PIK3CB: variants seen among roughly 807,000 people sequenced by gnomAD.
PIK3CB encodes the protein phosphatidylinositol-4,5-bisphosphate 3-kinase catalytic subunit beta.
A neutral mutation model predicts 136.8 loss-of-function variants in PIK3CB; 39 were observed. The observed-to-expected ratio is 0.29, with a 90% CI of 0.22 to 0.37. The LOEUF (loss-of-function observed/expected upper bound fraction) is 0.37, where lower values mean the gene tolerates loss of function less well. PIK3CB is among the 10% of genes least tolerant of loss of function. The pLI, the probability that PIK3CB is intolerant of heterozygous loss-of-function variation, is 1.00. For missense variants in PIK3CB, 868 were observed against 1,275.4 expected (o/e 0.68, Z 4.87); for synonymous variants, 428 against 436.6 (o/e 0.98, Z 0.25).
chr3:138,714,435 T>G, intron 9 of PIK3CB, 33 bp downstream of exon 9: 1 of 1,473,038 alleles, frequency 6.8e-7, no homozygotes, highest in Non-Finnish European at 9.3e-7. Context: ...TTCCGTTATA[T>G]AAAACAATCC....
chr3:138,821,603 G>A (rs1933566774), intron 1 of PIK3CB, among the ~76,000 whole-genome samples: 1 of 151,914 alleles, frequency 6.6e-6, no homozygotes, highest in Non-Finnish European at 1.5e-5. Flanking sequence ...AGACCAACAT[G>A]GTAAAACCCC....
chr3:138,702,288 T>G (rs923140394), intron 12 of PIK3CB, among the ~76,000 whole-genome samples: 3 of 149,380 alleles, frequency 2.0e-5, no homozygotes, highest in Non-Finnish European at 4.5e-5. Context: ...TGGCCCAGGC[T>G]GCTCTCAAAT....
chr3:138,705,489 T>C lies in PIK3CB; in HGVS notation c.1531-996A>G, dbSNP rs1486835547. The stretch of plus-strand genomic sequence containing the variant: ...CTTGCCATATTTGAAATTTATATTA[T>C]AAGCACAAAATTTAATTTGGTTGTA... On this transcript the variant is annotated intron_variant, in intron 11 of 23. Coordinates refer to ENST00000674063, the MANE Select transcript of PIK3CB (RefSeq NM_006219.3). Among the ~76,000 whole-genome samples, 4 of 152,144 alleles carry C rather than the reference T, an allele frequency of 2.6e-5. No homozygotes were observed. The South Asian group carries it at 8.3e-4, about 31-fold the overall frequency.
chr3:138,798,091 C>T (rs2046128347), intron 1 of PIK3CB, among the ~76,000 whole-genome samples: 1 of 152,142 alleles, frequency 6.6e-6, no homozygotes, highest in South Asian at 2.1e-4. Context: ...TTATAATATG[C>T]TACCTTTGAG....
At chr3:138,705,181 C>CAAAAA (rs1277322816) in intron 11 of PIK3CB, among the ~76,000 whole-genome samples, 1 of 58,526 alleles carries the variant, frequency 1.7e-5, no homozygotes, top group African/African-American at 8.3e-5. Flanking sequence ...AAACAAAAAA[C>CAAAAA]AAAACAAACA....
In PIK3CB at chr3:138,697,418, A is replaced by G. The variant is rs181980215; in HGVS notation, c.1770+1489T>C. Among the ~76,000 whole-genome samples the G allele has an allele frequency of 4.6e-5, 7 of 151,438 alleles. No homozygotes were observed. In the East Asian group the frequency reaches 1.4e-3, roughly 29 times the overall value. ...TAATATAATTATATAACATGTCTCC[A>G]AAGATTTATTTATTTATTTATTTAT... On this transcript the variant is annotated intron_variant, in intron 13 of 23. Coordinates refer to ENST00000674063, the MANE Select transcript of PIK3CB (RefSeq NM_006219.3).
rs73229561 is a variant in PIK3CB at position 138,698,859 on chromosome 3, C to G, written c.1770+48G>C. 2,009 of 1,189,568 alleles carry G rather than the reference C, an allele frequency of 1.7e-3. 2 individuals carry two copies. Among genetic ancestry groups the G allele is most frequent in the Non-Finnish European group, 2.1e-3 (1,778 of 828,310 alleles). The allele number at this position is 1,189,568 out of a possible 1,614,324, so 73.7% of individuals were successfully genotyped here. On this transcript the variant is annotated intron_variant, in intron 13 of 23. Transcript: ENST00000674063. ...AAAAGGATACTTTATGTGAATCCAA[C>G]CAAGTACCATACACCCAAAAAAAGT...
chr3:138,729,802 A>T (rs1219064281), intron 8 of PIK3CB, among the ~76,000 whole-genome samples: 1 of 151,932 alleles, frequency 6.6e-6, no homozygotes, highest in Non-Finnish European at 1.5e-5. Flanking sequence ...AATCTTCTAT[A>T]TTTTTTGCTT....
At chr3:138,732,117 G>C (rs2044989566) in intron 8 of PIK3CB, among the ~76,000 whole-genome samples, 2 of 152,128 alleles carry the variant, frequency 1.3e-5, no homozygotes, top group South Asian at 4.1e-4. Flanking sequence ...ATAGAATGAA[G>C]TGCTTGCTAC....
At chr3:138,701,784 C>CAAAAAAAA (rs560982900) in intron 12 of PIK3CB, among the ~76,000 whole-genome samples, 1 of 54,922 alleles carries the variant, frequency 1.8e-5, no homozygotes, top group African/African-American at 5.8e-5. Flanking sequence ...GACTCTGTCT[C>CAAAAAAAA]AAAAAAAAAA....
intron 6 of PIK3CB, 147 bp from the exon 7 acceptor site, chr3:138,734,951 AATTT>A (rs1410312182): frequency 3.6e-4 from 106 of 296,642 alleles, no homozygotes; most frequent in East Asian, 9.2e-4. Context: ...AAAAAAAAAA[AATTT>A]TTTTTTTTTT....
intron 14 of PIK3CB, among the ~76,000 whole-genome samples, chr3:138,692,041 T>TTCCC (rs2044020747): frequency 6.6e-6 from 1 of 152,146 alleles, no homozygotes; most frequent in African/African-American, 2.4e-5. Context: ...ATCATTGAAA[T>TTCCC]AATATAACAG....
At chr3:138,684,135 G>T (rs1406365840) in intron 17 of PIK3CB, among the ~76,000 whole-genome samples, 1 of 152,156 alleles carries the variant, frequency 6.6e-6, no homozygotes, top group East Asian at 1.9e-4. Flanking sequence ...GAACTATTTT[G>T]AGACCATTCT....
chr3:138,694,898 G>C lies in PIK3CB; in HGVS notation c.1780C>G (p.Leu594Val). The C allele has an allele frequency of 3.1e-6, 5 of 1,587,446 alleles. No individual in the cohort carries two copies. Among genetic ancestry groups the C allele is most frequent in the Non-Finnish European group, 4.3e-6 (5 of 1,172,100 alleles). ...GGCAGTTTAGGCCAAATCTGAAGCA[G>C]CGCCTGAAGCTGTTTAAAAAATGAA... ...KLEDVAQLQA[L>V]LQIWPKLPPR... The change falls in exon 14 of 24, where the codon CTG becomes GTG. Residue 594 changes from leucine (L) to valine (V), a missense_variant. Coordinates refer to ENST00000674063, the MANE Select transcript of PIK3CB (RefSeq NM_006219.3).
intron 13 of PIK3CB, among the ~76,000 whole-genome samples, chr3:138,697,262 C>T (rs757803016): frequency 1.7e-4 from 26 of 151,944 alleles, no homozygotes; most frequent in Non-Finnish European, 3.4e-4. Flanking sequence ...TCATGGAAAA[C>T]GAATCCTGAA....
At chr3:138,794,972 T>C (rs1386907746) in intron 2 of PIK3CB, among the ~76,000 whole-genome samples, 2 of 151,826 alleles carry the variant, frequency 1.3e-5, no homozygotes, top group Admixed American at 6.6e-5. Flanking sequence ...CCAGAAGTGA[T>C]AGCATCACTG....
rs2045627011 is a variant in PIK3CB, at chr3:138,759,198, T to C, written c.146A>G (p.Glu49Gly). ...CTGCTTAATATAAGAAATGGTAGCT[T>C]CCCGAGGTACCTCCAACTGGATATA... ...GIYIQLEVPR[E>G]ATISYIKQML... Residue 49 changes from glutamate (E) to glycine (G), a missense_variant, in exon 3 of 24, where the codon GAA becomes GGA. Glu to Gly is a moderately conservative substitution (Grantham distance 98, BLOSUM62 -2). This residue lies in a region of PIK3CB where 612 missense variants were observed against 801.1 expected (regional missense o/e 0.76). Coordinates refer to ENST00000674063, the MANE Select transcript of PIK3CB (RefSeq NM_006219.3). 1 of 1,610,482 alleles carries C rather than the reference T, an allele frequency of 6.2e-7. No homozygotes were observed. Among genetic ancestry groups the C allele is most frequent in the African/African-American group, 1.3e-5 (1 of 74,894 alleles).
At chr3:138,749,651 G>A (rs1246165017) in intron 4 of PIK3CB, among the ~76,000 whole-genome samples, 1 of 151,930 alleles carries the variant, frequency 6.6e-6, no homozygotes, top group African/African-American at 2.4e-5. Flanking sequence ...CCTTGAATAG[G>A]CCATTCTTCA....
At chr3:138,833,935 G>C (rs897523758) in intron 1 of PIK3CB, among the ~76,000 whole-genome samples, 2 of 152,150 alleles carry the variant, frequency 1.3e-5, no homozygotes, top group African/African-American at 2.4e-5. Flanking sequence ...ATTCTAGTAA[G>C]GGACTATAGG....
Sources: gnomAD v4.1 joint callset for allele counts (sites outside exome capture counted in the v4.1 genomes callset) on GRCh38, gnomAD v4.1.1 for gene constraint, gnomAD v4.1.1 regional missense constraint, MANE v1.5 for transcripts, NCBI Gene and HGNC (gene_info 2026-07-23, HGNC 2026-07-21) for gene names.